HERC1: variants seen among roughly 807,000 people sequenced by gnomAD.
HERC1 encodes the protein HECT and RLD domain containing E3 ubiquitin protein ligase family member 1.
HERC1 carries 160 observed loss-of-function variants against 554.3 expected under a neutral mutation model. The observed-to-expected ratio is 0.29, with a 90% CI of 0.25 to 0.33. The LOEUF is 0.33. Among genes scored for constraint, HERC1 ranks in the 10% least tolerant of loss-of-function variants. The probability of loss-of-function intolerance (pLI) is 1.00; values close to 1 mark genes in which losing one functional copy is unlikely to be tolerated. For missense variants in HERC1, 4,919 were observed against 5,918.5 expected (o/e 0.83, Z 5.54); for synonymous variants, 2,175 against 2,131.7 (o/e 1.02, Z -0.56).
At chr15:63,768,991 TAAC>T (rs1271572771) in intron 2 of HERC1, among the ~76,000 whole-genome samples, 1 of 152,200 alleles carries the variant, frequency 6.6e-6, no homozygotes, top group Non-Finnish European at 1.5e-5. Context: ...CTGCCAAATT[TAAC>T]AATACCAAAC....
At chr15:63,817,520 A>T (rs1368047401) in intron 1 of HERC1, among the ~76,000 whole-genome samples, 1 of 152,088 alleles carries the variant, frequency 6.6e-6, no homozygotes, top group African/African-American at 2.4e-5. Flanking sequence ...TTCGAGACCA[A>T]CCTGGCCAAC....
At position 63,633,918 on chromosome 15, in the gene HERC1, A is replaced by G. The variant is rs1314367611; in HGVS notation, c.12623T>C (p.Val4208Ala). The change falls in exon 67 of 78, where the codon GTG becomes GCG. Residue 4208 changes from valine (V) to alanine (A), a missense_variant. Val to Ala is a moderately conservative substitution (Grantham distance 64). Transcript: ENST00000443617. ...ATAGTCTCCATCTCCAAAAGCCCAC[A>G]CCATGGAACCATCTGCTGACACTGC... ...TLAVSADGSM[V>A]WAFGDGDYGK... 6.2e-7 allele frequency: 1 copy of G among 1,613,886 alleles called. No individual in the cohort carries two copies.
At chr15:63,811,666 G>A (rs965427605) in intron 1 of HERC1, among the ~76,000 whole-genome samples, 23 of 151,938 alleles carry the variant, frequency 1.5e-4, no homozygotes, top group Non-Finnish European at 2.4e-4. Context: ...AAAATTAGCC[G>A]GGTGTGGTGG....
chr15:63,748,293 C>T (rs932895898), intron 10 of HERC1, among the ~76,000 whole-genome samples: 3 of 152,056 alleles, frequency 2.0e-5, no homozygotes, highest in African/African-American at 4.8e-5. Flanking sequence ...GAAGACATTA[C>T]TGATTATGAA....
In HERC1 at chr15:63,756,415, T is replaced by C. The variant is rs746878096; in HGVS notation, c.1533+22A>G. ...ACTCCAATGCATCTAATTATTTTTATAACCAAAAAGAATGCACATACCTTT... is the reference window on the plus strand; with the variant it reads ...ACTCCAATGCATCTAATTATTTTTACAACCAAAAAGAATGCACATACCTTT... On this transcript the variant is annotated intron_variant, in intron 5 of 77. Transcript: ENST00000443617. This position sits in a 1 kb window ranked among gnomAD's most constrained non-coding sequence, Gnocchi z 5.0. 7.0e-6 allele frequency: 11 copies of C among 1,562,500 alleles called. No individual in the cohort carries two copies. The South Asian group carries it at 1.3e-4, about 18-fold the overall frequency.
chr15:63,736,563 T>C (rs2074512655), intron 12 of HERC1, among the ~76,000 whole-genome samples: 1 of 151,948 alleles, frequency 6.6e-6, no homozygotes, highest in Admixed American at 6.5e-5. Context: ...CTCATCTCTC[T>C]CTGTGTAGAG....
intron 19 of HERC1, among the ~76,000 whole-genome samples, chr15:63,721,041 T>C (rs2073796303): frequency 6.6e-6 from 1 of 152,204 alleles, no homozygotes; most frequent in Non-Finnish European, 1.5e-5. Flanking sequence ...TATCTAGTTT[T>C]TTTTTTAGTT....
intron 59 of HERC1, 118 bp from the exon 60 acceptor site, chr15:63,641,761 T>A (rs2152842428): frequency 2.5e-5 from 20 of 793,062 alleles, no homozygotes; most frequent in Non-Finnish European, 3.4e-5. Flanking sequence ...TTTGGATATT[T>A]TATATCCAAA....
At chr15:63,697,450 ATTT>A (rs35244420) in intron 26 of HERC1, among the ~76,000 whole-genome samples, 16,388 of 108,612 alleles carry the variant, frequency 0.15, 1,013 homozygotes, top group Middle Eastern at 0.23. Context: ...GTTAATCTTG[ATTT>A]TTTTTTTTTT....
rs544560237 is a variant in HERC1, at chr15:63,782,892, C to T, written c.-26-7243G>A. Among the ~76,000 whole-genome samples, 83 of 152,208 alleles carry T rather than the reference C, an allele frequency of 5.5e-4. 1 individual carries two copies. The highest frequency in any genetic ancestry group is 1.8e-3 in the African/African-American group (76 of 41,520). On this transcript the variant is annotated intron_variant, in intron 1 of 77. Transcript: ENST00000443617. ...CTTCAGTGGAGGAAGTAACTGCAGA[C>T]GTGGTGGAAATAGCAAGAGAAGTAG...
intron 55 of HERC1, among the ~76,000 whole-genome samples, chr15:63,647,278 G>GA (rs146393826): frequency 0.18 from 25,485 of 142,026 alleles, 2,522 homozygotes; most frequent in Middle Eastern, 0.24. Flanking sequence ...TACATTAAAA[G>GA]AAAAAAAAAA....
chr15:63,820,528 T>C (rs975045276), intron 1 of HERC1, among the ~76,000 whole-genome samples: 1 of 152,230 alleles, frequency 6.6e-6, no homozygotes, highest in African/African-American at 2.4e-5. Context: ...ACTTGAATTA[T>C]ATCAAATAAA....
chr15:63,774,911 C>G lies in HERC1; in HGVS notation c.713G>C (p.Gly238Ala). ...TAATCTACGACCTAAAGTGTCTGCC[C>G]CAGAATTAGGAATAGTGACTCCTTT... ...FLKGVTIPNS[G>A]ADTLGRRLAS... is the part of the protein sequence containing the mutation. Residue 238 changes from glycine to alanine, a missense_variant, in exon 2 of 78, where the codon GGG (glycine) becomes GCG (alanine). Physicochemically the swap from Gly to Ala is moderately conservative, Grantham distance 60. Around this residue, in one of 11 missense-constraint regions of HERC1, gnomAD observed 744 missense variants for 1,090.0 expected, o/e 0.68. Transcript: ENST00000443617. 6.2e-7 allele frequency: 1 copy of G among 1,613,940 alleles called. No homozygotes were observed. Among genetic ancestry groups the G allele is most frequent in the Non-Finnish European group, 8.5e-7 (1 of 1,179,880 alleles).
At chr15:63,678,775 A>C (rs1217856115) in intron 36 of HERC1, among the ~76,000 whole-genome samples, 1 of 152,210 alleles carries the variant, frequency 6.6e-6, no homozygotes, top group Non-Finnish European at 1.5e-5. Flanking sequence ...TAAAATCATA[A>C]AGTCACAATC....
chr15:63,658,497 T>C lies in HERC1; in HGVS notation c.9599+47A>G, dbSNP rs367724056. ...AACACCACCAGACTTCCAGCTAATG[T>C]ACACTAGAAGTTAACTTAGCATCAT... On this transcript the variant is annotated intron_variant, in intron 48 of 77. Transcript: ENST00000443617. 4 of 1,537,258 alleles carry C rather than the reference T, an allele frequency of 2.6e-6. No homozygotes were observed. The African/African-American group carries it at 4.1e-5, about 16-fold the overall frequency.
intron 1 of HERC1, among the ~76,000 whole-genome samples, chr15:63,808,343 A>T (rs1044367125): frequency 4.6e-5 from 7 of 152,232 alleles, no homozygotes; most frequent in African/African-American, 1.7e-4. Flanking sequence ...ATTAGACTGC[A>T]GTGGCACAAT....
chr15:63,825,501 C>T (rs1406320911), intron 1 of HERC1, among the ~76,000 whole-genome samples: 1 of 151,932 alleles, frequency 6.6e-6, no homozygotes, highest in Non-Finnish European at 1.5e-5. Context: ...TAAATTTATA[C>T]AATAAATAAG....
intron 1 of HERC1, among the ~76,000 whole-genome samples, chr15:63,811,553 T>C (rs978124485): frequency 2.6e-4 from 40 of 152,052 alleles, no homozygotes; most frequent in Non-Finnish European, 5.6e-4. Context: ...CTCACGCCTG[T>C]AATCCCAGCA....
At chr15:63,770,959 C>A (rs1259713142) in intron 2 of HERC1, among the ~76,000 whole-genome samples, 1 of 152,110 alleles carries the variant, frequency 6.6e-6, no homozygotes, top group Non-Finnish European at 1.5e-5. Context: ...GAGGCCGAGG[C>A]AGGTAGATCA....
Sources: gnomAD v4.1 joint callset for allele counts (sites outside exome capture counted in the v4.1 genomes callset) on GRCh38, gnomAD v4.1.1 for gene constraint, gnomAD v4.1.1 regional missense constraint, Gnocchi (gnomAD v3.1) non-coding constraint, MANE v1.5 for transcripts, NCBI Gene and HGNC (gene_info 2026-07-23, HGNC 2026-07-21) for gene names.